The following NLGN1 variants were observed in gnomAD, a reference collection of about 807,000 sequenced individuals.
NLGN1 encodes neuroligin 1.
In NLGN1, 12 loss-of-function variants were observed where a neutral mutation model predicts 65.5. That is an observed-to-expected ratio of 0.18 (90% CI 0.12 to 0.30). The LOEUF (loss-of-function observed/expected upper bound fraction) is 0.30, where lower values mean the gene tolerates loss of function less well. Among genes scored for constraint, NLGN1 ranks in the 10% least tolerant of loss-of-function variants. The pLI, the probability that NLGN1 is intolerant of heterozygous loss-of-function variation, is 1.00. For missense variants in NLGN1, 750 were observed against 1,007.1 expected, an observed-to-expected ratio of 0.74 and a Z score of 3.46; for synonymous variants, 350 against 359.5, an observed-to-expected ratio of 0.97 and a Z score of 0.30.
intron 3 of NLGN1, among the ~76,000 whole-genome samples, chr3:173,676,790 C>T (rs76371930): frequency 0.023 from 3,479 of 152,066 alleles, 153 homozygotes; most frequent in African/African-American, 0.08. Context: ...TATTTTCTTA[C>T]AATTATTTGT....
intron 3 of NLGN1, among the ~76,000 whole-genome samples, chr3:173,747,795 C>CTTCTTTTTTTTTTTTTTTTTTTTTT (rs1560289220): frequency 7.6e-5 from 6 of 78,576 alleles, no homozygotes; most frequent in African/African-American, 3.7e-4. Flanking sequence ...TCTTCTTCTT[C>CTTCTTTTTTTTTTTTTTTTTTTTTT]TTGTTCTTTT....
At chr3:173,793,213 C>A (rs1448599073) in intron 3 of NLGN1, among the ~76,000 whole-genome samples, 2 of 152,040 alleles carry the variant, frequency 1.3e-5, no homozygotes, top group Admixed American at 1.3e-4. Flanking sequence ...GTAGAAGCAA[C>A]CAAGAGCTTT....
chr3:174,139,906 CTATT>C (rs1198603486), intron 4 of NLGN1, among the ~76,000 whole-genome samples: 9 of 152,250 alleles, frequency 5.9e-5, no homozygotes, highest in Admixed American at 5.2e-4. Flanking sequence ...AGTGAGGTGT[CTATT>C]TAAGTCTTTT....
chr3:173,638,247 A>G (rs990189220), intron 3 of NLGN1, among the ~76,000 whole-genome samples: 1 of 150,882 alleles, frequency 6.6e-6, no homozygotes, highest in East Asian at 1.9e-4. Flanking sequence ...CTCTGTTTTG[A>G]TGTTCCAGGC....
chr3:174,056,074 G>T (rs1736006471), intron 4 of NLGN1, among the ~76,000 whole-genome samples: 1 of 151,924 alleles, frequency 6.6e-6, no homozygotes, highest in African/African-American at 2.4e-5. Flanking sequence ...AGCTCCATGA[G>T]CCAATACTAT....
Position 174,280,389 on chromosome 3 carries a change from G to A in NLGN1, c.1650-92G>A. On this transcript the variant is annotated intron_variant, in intron 6 of 6. Transcript: ENST00000457714. The surrounding 1 kb of genome is among the most constrained non-coding windows in gnomAD (Gnocchi z 4.9). The stretch of plus-strand genomic sequence containing the variant: ...AAAACACAATCTAAAGCATTGCTGA[G>A]TCATCTATTTAATTATTAGATGTTA... 1.2e-6 allele frequency: 1 copy of A among 832,342 alleles called. No homozygotes were observed. Among genetic ancestry groups the A allele is most frequent in the East Asian group, 2.7e-5 (1 of 37,508 alleles). The allele number at this position is 832,342 out of a possible 1,614,324, so 51.6% of individuals were successfully genotyped here.
chr3:173,823,586 C>T (rs1183313340), intron 4 of NLGN1, among the ~76,000 whole-genome samples: 2 of 151,924 alleles, frequency 1.3e-5, no homozygotes, highest in Non-Finnish European at 2.9e-5. Flanking sequence ...CTGTTTGGCG[C>T]TGCTTCATTT....
At chr3:173,609,464 G>A (rs894199825) in intron 3 of NLGN1, among the ~76,000 whole-genome samples, 1 of 151,822 alleles carries the variant, frequency 6.6e-6, no homozygotes, top group African/African-American at 2.4e-5. Context: ...TTTTCCACAG[G>A]TTTTTGGTTT....
At chr3:173,949,123 A>G (rs984741953) in intron 4 of NLGN1, among the ~76,000 whole-genome samples, 6 of 152,136 alleles carry the variant, frequency 3.9e-5, no homozygotes, top group Non-Finnish European at 8.8e-5. Flanking sequence ...ATTTAGAAAA[A>G]TAGCTCTCAG....
chr3:173,700,881 T>C (rs1351711347), intron 3 of NLGN1, among the ~76,000 whole-genome samples: 2 of 152,122 alleles, frequency 1.3e-5, no homozygotes, highest in Admixed American at 1.3e-4. Flanking sequence ...ATCCCAGCAC[T>C]TTGGGAGGCC....
the NLGN1 span, among the ~76,000 whole-genome samples, chr3:174,294,147 A>T: frequency 5.3e-5 from 8 of 151,780 alleles, no homozygotes; most frequent in Non-Finnish European, 1.0e-4. Flanking sequence ...TCAGTGTATC[A>T]ATTTTTTATA....
intron 2 of NLGN1, among the ~76,000 whole-genome samples, chr3:173,457,176 T>C (rs987438385): frequency 9.2e-5 from 14 of 152,084 alleles, no homozygotes; most frequent in African/African-American, 3.1e-4. Flanking sequence ...CTGAGCTTCA[T>C]TATCATTATC....
At chr3:174,138,676 C>T (rs537654187) in intron 4 of NLGN1, among the ~76,000 whole-genome samples, 17 of 151,994 alleles carry the variant, frequency 1.1e-4, no homozygotes, top group South Asian at 4.1e-4. Flanking sequence ...CCTCGTGATC[C>T]GCCCGCCTCG....
At chr3:173,934,440 TATC>T (rs1310184303) in intron 4 of NLGN1, among the ~76,000 whole-genome samples, 2 of 151,828 alleles carry the variant, frequency 1.3e-5, no homozygotes, top group African/African-American at 4.8e-5. Context: ...GCATTTGAAT[TATC>T]AGCAAATATT....
intron 4 of NLGN1, among the ~76,000 whole-genome samples, chr3:173,944,287 A>G (rs1170844498): frequency 6.6e-6 from 1 of 152,112 alleles, no homozygotes; most frequent in Non-Finnish European, 1.5e-5. Context: ...AGCCTATTTA[A>G]GAATGAATCA....
Position 173,883,534 on chromosome 3 carries a change from A to G in NLGN1, c.646+75702A>G, listed in dbSNP as rs548413863. ...ATATGTTGTTGAAAAACCGGTGCTG[A>G]TATACTTGATTGATGCAATGTTGCC... On this transcript the variant is annotated intron_variant, in intron 4 of 6. Coordinates refer to ENST00000457714, the Ensembl canonical transcript of NLGN1. 1.7e-3 allele frequency among the ~76,000 whole-genome samples: 265 copies of G among 152,288 alleles called. 2 individuals carry two copies. Among genetic ancestry groups the G allele is most frequent in the Non-Finnish European group, 3.1e-3 (214 of 68,008 alleles).
chr3:173,431,882 T>G (rs916365785), intron 1 of NLGN1, among the ~76,000 whole-genome samples: 1 of 151,910 alleles, frequency 6.6e-6, no homozygotes, highest in African/African-American at 2.4e-5. Flanking sequence ...GTCTGCCTAT[T>G]TATATCTTCC....
At position 174,082,807 on chromosome 3, in the gene NLGN1, G is replaced by A. The variant is rs1218595266; in HGVS notation, c.647-192508G>A. 5.3e-5 allele frequency among the ~76,000 whole-genome samples: 8 copies of A among 151,774 alleles called. No individual in the cohort carries two copies. The East Asian group carries it at 5.8e-4, about 11-fold the overall frequency. On this transcript the variant is annotated intron_variant, in intron 4 of 6. Transcript: ENST00000457714. Reference sequence around the variant, plus strand: ...GCAGTCTCGGCTCACCACAACCTCCGCCTCCCAGGTTCAAGCAATTCTCCT... The same window carrying A: ...GCAGTCTCGGCTCACCACAACCTCCACCTCCCAGGTTCAAGCAATTCTCCT...
chr3:174,134,264 G>A (rs1018452521), intron 4 of NLGN1, among the ~76,000 whole-genome samples: 1 of 152,180 alleles, frequency 6.6e-6, no homozygotes, highest in African/African-American at 2.4e-5. Context: ...GTGACTGGCT[G>A]CCGGGGAATT....
Sources: gnomAD v4.1 joint callset for allele counts (sites outside exome capture counted in the v4.1 genomes callset) on GRCh38, gnomAD v4.1.1 for gene constraint, Gnocchi (gnomAD v3.1) non-coding constraint, MANE v1.5 for transcripts, NCBI Gene and HGNC (gene_info 2026-07-23, HGNC 2026-07-21) for gene names.